The following TRPC5OS variants were observed in gnomAD, a reference collection of about 807,000 sequenced individuals.
TRPC5OS encodes the protein TRPC5 opposite strand, also known as putative uncharacterized protein TRPC5OS.
For synonymous variants in TRPC5OS, 30 were observed against 29.3 expected (o/e 1.02, Z -0.08); for missense variants, 64 against 79.3 (o/e 0.81, Z 0.73).
intron 1 of TRPC5OS, among the ~76,000 whole-genome samples, chrX:111,887,505 G>A (rs1046211176): frequency 8.9e-6 from 1 of 112,035 alleles, no homozygotes; most frequent in Admixed American, 9.4e-5. Flanking sequence ...AGGCTTTGCA[G>A]TATAATATTG....
rs1332266463 is a variant in TRPC5OS, at chrX:111,902,061, A to T, written c.212A>T (p.Asp71Val). Residue 71 changes from aspartate (D) to valine (V), a missense_variant, in exon 4 of 4, where the codon GAC becomes GTC. Transcript: ENST00000635763. ...GATCTCCCTGATCTCTCAGACTTAGACTCAATACTTACACCAAGAGAGGAT... is the reference window on the plus strand; with the variant it reads ...GATCTCCCTGATCTCTCAGACTTAGTCTCAATACTTACACCAAGAGAGGAT... ...LPDLPDLSDL[D>V]SILTPREDED... 8.7e-7 allele frequency: 1 copy of T among 1,155,183 alleles called. No homozygotes were observed. The highest frequency in any genetic ancestry group is 3.3e-5 in the East Asian group (1 of 30,754).
intron 3 of TRPC5OS, among the ~76,000 whole-genome samples, chrX:111,900,120 C>G (rs1215649232): frequency 8.9e-6 from 1 of 111,765 alleles, no homozygotes; most frequent in East Asian, 2.8e-4. Flanking sequence ...AATCACAGAC[C>G]ATCTGGCTGA....
At chrX:111,877,701 T>C (rs1490409793) in intron 1 of TRPC5OS, among the ~76,000 whole-genome samples, 1 of 110,718 alleles carries the variant, frequency 9.0e-6, no homozygotes, top group Admixed American at 9.7e-5. Flanking sequence ...TGCAAATCCT[T>C]TGTGGAATGA....
chrX:111,898,851 C>T (rs1395113579), intron 3 of TRPC5OS, among the ~76,000 whole-genome samples: 1 of 109,959 alleles, frequency 9.1e-6, no homozygotes, highest in Non-Finnish European at 1.9e-5. Flanking sequence ...ATCAGAATGA[C>T]ACGAAATCAT....
At chrX:111,901,449 A>G (rs1925339124) in intron 3 of TRPC5OS, 91 bp from the exon 4 acceptor site, 1 of 114,639 alleles carries the variant, frequency 8.7e-6, no homozygotes, top group Admixed American at 9.4e-5. Context: ...CTTAACAGCA[A>G]TTCTTGATAG....
At chrX:111,881,397 C>A (rs1306346089) in intron 1 of TRPC5OS, among the ~76,000 whole-genome samples, 2 of 110,626 alleles carry the variant, frequency 1.8e-5, no homozygotes, top group Non-Finnish European at 3.8e-5. Flanking sequence ...TGGATGGTTT[C>A]AATCCCTTGA....
intron 1 of TRPC5OS, among the ~76,000 whole-genome samples, chrX:111,888,693 C>CAAAAAA (rs753735549): frequency 6.4e-4 from 7 of 10,961 alleles, no homozygotes; most frequent in African/African-American, 1.3e-3. Flanking sequence ...GACTCTATCT[C>CAAAAAA]AAAAAAAAAA....
chrX:111,886,594 CA>C (rs1159870963), intron 1 of TRPC5OS, among the ~76,000 whole-genome samples: 3 of 111,830 alleles, frequency 2.7e-5, no homozygotes, highest in African/African-American at 9.8e-5. Flanking sequence ...TTGGAAAAGA[CA>C]GTTCTGACAA....
intron 1 of TRPC5OS, among the ~76,000 whole-genome samples, chrX:111,886,412 T>C (rs1268184601): frequency 8.9e-6 from 1 of 112,870 alleles, no homozygotes; most frequent in African/African-American, 3.2e-5. Flanking sequence ...ATGTATTATC[T>C]AAAATCTGTT....
At chrX:111,883,063 G>A (rs1214887591) in intron 1 of TRPC5OS, among the ~76,000 whole-genome samples, 1 of 98,591 alleles carries the variant, frequency 1.0e-5, no homozygotes, top group Non-Finnish European at 2.0e-5. Flanking sequence ...TCCAGCCTGG[G>A]AAACAGAGCA....
At chrX:111,888,132 G>A (rs1164861120) in intron 1 of TRPC5OS, among the ~76,000 whole-genome samples, 2 of 111,454 alleles carry the variant, frequency 1.8e-5, no homozygotes. Flanking sequence ...AGGCAGAATA[G>A]CCAGTATAAA....
rs140482620 is a variant in TRPC5OS at position 111,901,680 on chromosome X, T to C, written c.-170T>C. 3,120 of 391,159 alleles carry C rather than the reference T, an allele frequency of 8.0e-3. 73 individuals are homozygous for C. The highest frequency in any genetic ancestry group is 0.071 in the African/African-American group (2,778 of 39,050). The allele number at this position is 391,159 out of a possible 1,213,427, so 32.2% of individuals were successfully genotyped here. On this transcript the variant is annotated 5_prime_UTR_variant, in exon 4 of 4. Coordinates refer to ENST00000635763, the MANE Select transcript of TRPC5OS (RefSeq NM_001195578.2). Reference sequence around the variant, plus strand: ...ACATCATCAAAAAGTTATATTGTTCTACTGTTCTCATTCTTTACTTGATCA... The same window carrying C: ...ACATCATCAAAAAGTTATATTGTTCCACTGTTCTCATTCTTTACTTGATCA...
intron 1 of TRPC5OS, among the ~76,000 whole-genome samples, chrX:111,879,228 G>A (rs1924091274): frequency 8.9e-6 from 1 of 111,902 alleles, no homozygotes; most frequent in Non-Finnish European, 1.9e-5. Flanking sequence ...AGAGAGGGTT[G>A]TAAAAAAAAG....
At chrX:111,898,288 C>CGT (rs1925171830) in intron 3 of TRPC5OS, among the ~76,000 whole-genome samples, 1 of 92,683 alleles carries the variant, frequency 1.1e-5, no homozygotes, top group African/African-American at 5.1e-5. Flanking sequence ...GACACACACG[C>CGT]GTGTGTGCGC....
intron 1 of TRPC5OS, among the ~76,000 whole-genome samples, chrX:111,894,586 G>A (rs935570024): frequency 3.6e-5 from 4 of 111,450 alleles, no homozygotes; most frequent in African/African-American, 9.8e-5. Flanking sequence ...ACAGGCCAAA[G>A]GGACACTGCC....
Position 111,901,806 on chromosome X carries a change from A to G in TRPC5OS, c.-44A>G. Reference sequence around the variant, plus strand: ...CATTGTCACCAAGAGTCCATTTGCTAGAGCTTTTAGTGATATTTTATCTAT... The same window carrying G: ...CATTGTCACCAAGAGTCCATTTGCTGGAGCTTTTAGTGATATTTTATCTAT... On this transcript the variant is annotated 5_prime_UTR_variant, in exon 4 of 4. Transcript: ENST00000635763. The G allele has an allele frequency of 1.0e-6, 1 of 993,657 alleles. No individual in the cohort carries two copies. The highest frequency in any genetic ancestry group is 3.3e-5 in the East Asian group (1 of 29,881). The allele number at this position is 993,657 out of a possible 1,213,427, so 81.9% of individuals were successfully genotyped here. A position where few individuals can be genotyped will look rare whatever the true frequency, so the allele number is the denominator to read the frequency against.
At chrX:111,891,817 G>T (rs1924822266) in intron 1 of TRPC5OS, among the ~76,000 whole-genome samples, 1 of 111,696 alleles carries the variant, frequency 9.0e-6, no homozygotes, top group African/African-American at 3.3e-5. Flanking sequence ...AAGGTACTGG[G>T]ATTACAGGAG....
At chrX:111,901,074 C>T (rs1925320318) in intron 3 of TRPC5OS, among the ~76,000 whole-genome samples, 1 of 111,316 alleles carries the variant, frequency 9.0e-6, no homozygotes, top group Admixed American at 9.6e-5. Context: ...AGTTTTATAA[C>T]TGAAATTCTC....
intron 3 of TRPC5OS, among the ~76,000 whole-genome samples, chrX:111,901,246 A>G (rs762145563): frequency 8.9e-6 from 1 of 111,790 alleles, no homozygotes; most frequent in Admixed American, 9.5e-5. Flanking sequence ...CTAATAATTG[A>G]CAGACCCTGC....
Sources: allele counts gnomAD v4.1 joint callset (sites outside exome capture counted in the v4.1 genomes callset), GRCh38; gene constraint gnomAD v4.1.1; transcripts MANE v1.5; gene names NCBI Gene and HGNC (gene_info 2026-07-23, HGNC 2026-07-21).